The following BICRA variants were observed in gnomAD, a reference collection of about 807,000 sequenced individuals.
BICRA encodes BRD4-interacting chromatin-remodeling complex-associated protein.
In BICRA, 31 loss-of-function variants were observed where a neutral mutation model predicts 96.9. That is an observed-to-expected ratio of 0.32 (90% CI 0.24 to 0.43). The LOEUF is 0.43. Ranked by LOEUF, BICRA falls within the 20% of genes least tolerant of loss-of-function variation. The probability of loss-of-function intolerance (pLI) is 1.00; values close to 1 mark genes in which losing one functional copy is unlikely to be tolerated. For missense variants in BICRA, 2,283 were observed against 2,190.3 expected, an observed-to-expected ratio of 1.04 and a Z score of -0.84; for synonymous variants, 1,350 against 1,071.8, an observed-to-expected ratio of 1.26 and a Z score of -5.07.
At chr19:47,647,252 T>C (rs111869061) in intron 1 of BICRA, among the ~76,000 whole-genome samples, 49 of 152,316 alleles carry the variant, frequency 3.2e-4, no homozygotes, top group African/African-American at 1.2e-3. Context: ...TATGAATGTT[T>C]GTGTGCAGGC....
At chr19:47,685,741 CTGTGTGTGTGTGTGTGTGTGTG>C (rs3074109) in intron 7 of BICRA, among the ~76,000 whole-genome samples, 2 of 115,496 alleles carry the variant, frequency 1.7e-5, no homozygotes, top group South Asian at 3.2e-4. Context: ...TTGGCAGCCT[CTGTGTGTGTGTGTGTGTGTGTG>C]TGTGTGTGTG....
intron 1 of BICRA, among the ~76,000 whole-genome samples, chr19:47,614,611 C>G (rs951830565): frequency 6.6e-6 from 1 of 152,216 alleles, no homozygotes; most frequent in Non-Finnish European, 1.5e-5. Context: ...GGCGACACAG[C>G]GAGACTCTGT....
chr19:47,702,253 C>A lies in BICRA; in HGVS notation c.4521C>A (p.Ser1507Arg). The change falls in exon 15 of 15, where the codon AGC becomes AGA. Residue 1507 changes from serine (S) to arginine (R), a missense_variant. By Grantham distance (110) the Ser-to-Arg change is moderately radical (BLOSUM62 -1). Transcript: ENST00000594866. ...AGCACCTGCAGAGCGCCATCGACAG[C>A]ATCCTGAACCTGCAGCAGGCCCCCG... ...LTEHLQSAID[S>R]ILNLQQAPGR... is the part of the protein sequence containing the mutation. 2.5e-6 allele frequency: 4 copies of A among 1,598,426 alleles called. No homozygotes were observed. The highest frequency in any genetic ancestry group is 3.4e-6 in the Non-Finnish European group (4 of 1,177,668).
At chr19:47,641,791 T>C (rs1180588456) in intron 1 of BICRA, among the ~76,000 whole-genome samples, 1 of 152,172 alleles carries the variant, frequency 6.6e-6, no homozygotes, top group African/African-American at 2.4e-5. Context: ...TTGAGTAATA[T>C]ATATATATTT....
intron 7 of BICRA, among the ~76,000 whole-genome samples, chr19:47,684,467 G>A (rs1973115166): frequency 1.3e-5 from 2 of 152,076 alleles, no homozygotes; most frequent in South Asian, 2.1e-4. Context: ...ACAGGCGCCC[G>A]CCACCATGCC....
chr19:47,670,878 G>A (rs372822349), intron 2 of BICRA, among the ~76,000 whole-genome samples: 2 of 152,170 alleles, frequency 1.3e-5, no homozygotes, highest in Admixed American at 1.3e-4. Context: ...ACAGGGGGAG[G>A]AAGCCTGGTG....
intron 1 of BICRA, among the ~76,000 whole-genome samples, chr19:47,635,724 G>T (rs189970469): frequency 6.6e-6 from 1 of 152,202 alleles, no homozygotes. Context: ...TTTGTGTCTG[G>T]TTTATTTTAT....
rs534635629 is a variant in BICRA at position 47,694,905 on chromosome 19, G to T, written c.2901G>T (p.Pro967=). The T allele has an allele frequency of 1.3e-6, 2 of 1,512,960 alleles. No individual in the cohort carries two copies. Among genetic ancestry groups the T allele is most frequent in the African/African-American group, 2.8e-5 (2 of 71,542 alleles). The allele number at this position is 1,512,960 out of a possible 1,614,324, so 93.7% of individuals were successfully genotyped here. A position where few individuals can be genotyped will look rare whatever the true frequency, so the allele number is the denominator to read the frequency against. Residue 967 remains proline, a synonymous_variant, in exon 9 of 15, where the codon CCG becomes CCT. Coordinates refer to ENST00000594866, the MANE Select transcript of BICRA (RefSeq NM_001394372.1). The part of the protein sequence containing the change: ...KALLERFHQV[P]SGIILQNKAG... ...TCCACCTGTCCCCTCCTCAGGTGCC[G>T]TCCGGAATCATCCTCCAGAACAAGG...
At chr19:47,629,645 A>C (rs1972191224) in intron 1 of BICRA, among the ~76,000 whole-genome samples, 1 of 151,086 alleles carries the variant, frequency 6.6e-6, no homozygotes. Flanking sequence ...ATGAGTGTGC[A>C]AATATCTATT....
intron 7 of BICRA, among the ~76,000 whole-genome samples, chr19:47,684,504 G>T (rs1018197465): frequency 6.6e-6 from 1 of 152,184 alleles, no homozygotes; most frequent in Non-Finnish European, 1.5e-5. Flanking sequence ...TTTTAGTAGA[G>T]AGATGGGGTT....
At chr19:47,634,935 TG>T (rs1457669465) in intron 1 of BICRA, among the ~76,000 whole-genome samples, 1 of 151,896 alleles carries the variant, frequency 6.6e-6, no homozygotes, top group Non-Finnish European at 1.5e-5. Context: ...GTTAATTTTT[TG>T]TATTTTTAGT....
chr19:47,646,425 A>C (rs1384726551), intron 1 of BICRA, among the ~76,000 whole-genome samples: 1 of 113,024 alleles, frequency 8.8e-6, no homozygotes, highest in Non-Finnish European at 1.8e-5. Context: ...TCAGCCCGAC[A>C]CACATGCACA....
Position 47,620,677 on chromosome 19 carries a change from A to AAAC in BICRA, c.-108+11511_-108+11512insCAA, listed in dbSNP as rs1555784136. ...AGAGTGAGACTGTCTCAAAAAAAAA[A>AAAC]AAAAAAAAAAAACAAGAACAAAACC... is the stretch of plus-strand genomic sequence containing the variant. On this transcript the variant is annotated intron_variant, in intron 1 of 14. Coordinates refer to ENST00000594866, the MANE Select transcript of BICRA (RefSeq NM_001394372.1). Among the ~76,000 whole-genome samples, 38 of 150,790 alleles carry AAAC rather than the reference A, an allele frequency of 2.5e-4. 1 individual carries two copies. Among genetic ancestry groups the AAAC allele is most frequent in the Non-Finnish European group, 4.7e-4 (32 of 67,616 alleles).
chr19:47,631,841 G>GT (rs1972226440), intron 1 of BICRA, among the ~76,000 whole-genome samples: 1 of 151,990 alleles, frequency 6.6e-6, no homozygotes, highest in Admixed American at 6.6e-5. Context: ...TAGAGACGGG[G>GT]TTTCGCCATA....
At chr19:47,634,154 A>G (rs1459097365) in intron 1 of BICRA, among the ~76,000 whole-genome samples, 1 of 151,910 alleles carries the variant, frequency 6.6e-6, no homozygotes, top group African/African-American at 2.4e-5. Context: ...ACGAGTGAGA[A>G]TGAGCAGTGG....
chr19:47,680,313 G>A lies in BICRA; in HGVS notation c.1143G>A (p.Gln381=), dbSNP rs1323388387. The A allele has an allele frequency of 6.5e-7, 1 of 1,544,298 alleles. No individual in the cohort carries two copies. The highest frequency in any genetic ancestry group is 1.9e-5 in the Admixed American group (1 of 51,900). ...FAPAGATLTI[Q]GEPGALPQQP... ...CCGCGGGCGCCACGCTCACCATCCA[G>A]GGCGAGCCGGGGGCGCTCCCGCAGC... Residue 381 remains glutamine (Q), a synonymous_variant, in exon 6 of 15, where the codon CAG becomes CAA. Transcript: ENST00000594866.
intron 7 of BICRA, among the ~76,000 whole-genome samples, chr19:47,689,776 GGT>G (rs1973213862): frequency 6.6e-6 from 1 of 152,134 alleles, no homozygotes; most frequent in Non-Finnish European, 1.5e-5. Flanking sequence ...GTGCAAATAT[GGT>G]TTACGTTTCT....
intron 1 of BICRA, among the ~76,000 whole-genome samples, chr19:47,629,631 G>C (rs969328692): frequency 6.6e-6 from 1 of 152,050 alleles, no homozygotes; most frequent in African/African-American, 2.4e-5. Context: ...ATGCTGCTTT[G>C]AACATGAGTG....
chr19:47,673,813 T>A, intron 4 of BICRA, 51 bp downstream of exon 4: 1 of 1,463,266 alleles, frequency 6.8e-7, no homozygotes. Flanking sequence ...GCTGTCTAAT[T>A]GGGAGTGAGG....
Sources: allele counts gnomAD v4.1 joint callset (sites outside exome capture counted in the v4.1 genomes callset), GRCh38; gene constraint gnomAD v4.1.1; transcripts MANE v1.5; gene names NCBI Gene and HGNC (gene_info 2026-07-23, HGNC 2026-07-21).